The following ROBO1 variants were observed in gnomAD, a reference collection of about 807,000 sequenced individuals.
ROBO1 encodes the protein roundabout guidance receptor 1.
Under a neutral mutation model 195.9 loss-of-function variants are expected in ROBO1, and 149 were observed. The ratio of observed to expected loss-of-function variants is 0.76; its 90% CI spans 0.67 to 0.87. ROBO1 has a LOEUF of 0.87. ROBO1 is among the 40% of genes least tolerant of loss of function. ROBO1 has a pLI of 0.00. For synonymous variants in ROBO1, 816 were observed against 733.2 expected (o/e 1.11, Z -1.82); for missense variants, 1,933 against 2,068.3 (o/e 0.93, Z 1.27).
chr3:79,254,964 C>T (rs1021830890), intron 2 of ROBO1, among the ~76,000 whole-genome samples: 8 of 152,086 alleles, frequency 5.3e-5, no homozygotes, highest in South Asian at 2.1e-4. Context: ...CATCAAATGA[C>T]ACAAAAAATG....
At chr3:78,601,802 G>A (rs1703188050) in intron 29 of ROBO1, among the ~76,000 whole-genome samples, 2 of 152,070 alleles carry the variant, frequency 1.3e-5, no homozygotes, top group Admixed American at 6.5e-5. Context: ...AATGCTAACC[G>A]TGTTTCCAGC....
At chr3:79,024,961 C>T (rs904927188) in intron 3 of ROBO1, among the ~76,000 whole-genome samples, 4 of 152,164 alleles carry the variant, frequency 2.6e-5, no homozygotes, top group African/African-American at 9.7e-5. Context: ...TGCCTCTCCT[C>T]TGCTCAAAAC....
At chr3:78,906,203 T>C (rs2037902159) in intron 4 of ROBO1, among the ~76,000 whole-genome samples, 2 of 152,150 alleles carry the variant, frequency 1.3e-5, no homozygotes, top group Admixed American at 6.6e-5. Flanking sequence ...AAACAGCTTC[T>C]AATTCACACG....
At chr3:78,644,190 G>C (rs929123011) in intron 21 of ROBO1, among the ~76,000 whole-genome samples, 1 of 151,936 alleles carries the variant, frequency 6.6e-6, no homozygotes, top group Non-Finnish European at 1.5e-5. Flanking sequence ...AGGCCCCTTC[G>C]TAAAGCATCC....
chr3:79,567,573 A>G (rs891502229), intron 2 of ROBO1, among the ~76,000 whole-genome samples: 1 of 152,140 alleles, frequency 6.6e-6, no homozygotes, highest in Non-Finnish European at 1.5e-5. Flanking sequence ...TTTATCATTC[A>G]AAAGGTTCCA....
At chr3:78,860,179 A>G (rs1238914943) in intron 4 of ROBO1, among the ~76,000 whole-genome samples, 1 of 150,876 alleles carries the variant, frequency 6.6e-6, no homozygotes, top group Non-Finnish European at 1.5e-5. Context: ...AGATAGATAG[A>G]TAGATGATAG....
chr3:78,785,233 C>T (rs1200737289), intron 4 of ROBO1, among the ~76,000 whole-genome samples: 1 of 152,200 alleles, frequency 6.6e-6, no homozygotes, highest in Non-Finnish European at 1.5e-5. Context: ...AGGTATATGA[C>T]TCATTCTTTT....
At chr3:78,918,579 T>A (rs453354) in intron 4 of ROBO1, among the ~76,000 whole-genome samples, 13 of 152,052 alleles carry the variant, frequency 8.5e-5, no homozygotes, top group African/African-American at 2.9e-4. Context: ...TGTTTTATAC[T>A]CTTTAGGGTA....
rs1274538672 is a variant in ROBO1, at chr3:78,724,631, G to A, written c.658-6748C>T. On this transcript the variant is annotated intron_variant, in intron 5 of 30. Transcript: ENST00000464233. ...TGTGAGGCAGAGGTTGCAGTGAGCC[G>A]AAATCATGCTACTACACTCCAGCCT... 5.3e-5 allele frequency among the ~76,000 whole-genome samples: 8 copies of A among 151,162 alleles called. No individual in the cohort carries two copies. In the East Asian group the frequency reaches 1.4e-3, roughly 26 times the overall value.
rs79365607 is a variant in ROBO1, at chr3:78,705,383, T to C, written c.1045+9014A>G. 2.8e-4 allele frequency among the ~76,000 whole-genome samples: 42 copies of C among 152,308 alleles called. 1 individual carries two copies. In the East Asian group the frequency reaches 7.9e-3, roughly 29 times the overall value. On this transcript the variant is annotated intron_variant, in intron 8 of 30. Coordinates refer to ENST00000464233, the MANE Select transcript of ROBO1 (RefSeq NM_002941.4). ...TTGGGAATTCAACTATTTTATTCAT[T>C]AGTTTATTTTCCTATTAGCTGACGG...
intron 4 of ROBO1, among the ~76,000 whole-genome samples, chr3:78,767,386 C>G (rs953051214): frequency 2.0e-5 from 3 of 152,116 alleles, no homozygotes; most frequent in Non-Finnish European, 2.9e-5. Context: ...CTGCCTCAAC[C>G]TCCTGAGTAG....
chr3:79,151,018 G>C (rs1249943991), intron 2 of ROBO1, among the ~76,000 whole-genome samples: 3 of 151,828 alleles, frequency 2.0e-5, no homozygotes, highest in East Asian at 3.9e-4. Flanking sequence ...CATGGGGGTG[G>C]TTTCTCCGTA....
At chr3:78,633,842 T>A in intron 24 of ROBO1, 93 bp downstream of exon 24, 1 of 702,304 alleles carries the variant, frequency 1.4e-6, no homozygotes, top group South Asian at 2.2e-5. Context: ...TTTAGACATG[T>A]CACCTACATA....
At chr3:78,728,316 G>A (rs1045821715) in intron 5 of ROBO1, among the ~76,000 whole-genome samples, 2 of 151,946 alleles carry the variant, frequency 1.3e-5, no homozygotes, top group African/African-American at 4.8e-5. Context: ...CAGGCTGTCG[G>A]GTAAACTTGT....
chr3:79,328,881 T>A (rs2034323514), intron 2 of ROBO1, among the ~76,000 whole-genome samples: 1 of 152,034 alleles, frequency 6.6e-6, no homozygotes, highest in Non-Finnish European at 1.5e-5. Flanking sequence ...TCCAACTAAG[T>A]GAGAACATAC....
At chr3:78,771,023 C>G (rs533875707) in intron 4 of ROBO1, among the ~76,000 whole-genome samples, 1 of 151,892 alleles carries the variant, frequency 6.6e-6, no homozygotes, top group Non-Finnish European at 1.5e-5. Context: ...GCTATGATCA[C>G]ACCACTGCAG....
At chr3:79,065,055 A>G in intron 3 of ROBO1, among the ~76,000 whole-genome samples, 1 of 151,964 alleles carries the variant, frequency 6.6e-6, no homozygotes, top group East Asian at 1.9e-4. Context: ...CAAATTAAAA[A>G]CCTTATAAAC....
rs1224252717 is a variant in ROBO1 at position 78,597,848 on chromosome 3, CA to C, written c.*1064del. 1 of 147,884 alleles carries C rather than the reference CA, an allele frequency of 6.8e-6. No homozygotes were observed. The highest frequency in any genetic ancestry group is 2.5e-5 in the African/African-American group (1 of 39,694). The allele number at this position is 147,884 out of a possible 1,614,324, so 9.2% of individuals were successfully genotyped here. A position where few individuals can be genotyped will look rare whatever the true frequency, so the allele number is the denominator to read the frequency against. On this transcript the variant is annotated 3_prime_UTR_variant, in exon 31 of 31. Transcript: ENST00000464233. Reference sequence around the variant, plus strand: ...ATACAAACATAGAGCATTAACAAAACAGGTTAAAAACGCTTCTCAACATTTT... The same window carrying C: ...ATACAAACATAGAGCATTAACAAAACGGTTAAAAACGCTTCTCAACATTTT...
At chr3:79,572,902 C>A (rs1943327295) in intron 2 of ROBO1, among the ~76,000 whole-genome samples, 1 of 151,944 alleles carries the variant, frequency 6.6e-6, no homozygotes, top group Non-Finnish European at 1.5e-5. Flanking sequence ...ATCAGATACG[C>A]AATATAAGAT....
Sources: gnomAD v4.1 joint callset for allele counts (sites outside exome capture counted in the v4.1 genomes callset) on GRCh38, gnomAD v4.1.1 for gene constraint, MANE v1.5 for transcripts, NCBI Gene and HGNC (gene_info 2026-07-23, HGNC 2026-07-21) for gene names.